The following PPFIA2 variants were observed in gnomAD, a reference collection of about 807,000 sequenced individuals.
The protein encoded by PPFIA2 is PPFI scaffold protein A2.
PPFIA2 carries 46 observed loss-of-function variants against 175.5 expected under a neutral mutation model. That is an observed-to-expected ratio of 0.26 (90% confidence interval 0.21 to 0.34). The LOEUF is 0.34. PPFIA2 is among the 10% of genes least tolerant of loss of function. PPFIA2 has a pLI of 1.00. For missense variants in PPFIA2, 1,179 were observed against 1,506.1 expected (o/e 0.78, Z 3.60); for synonymous variants, 568 against 511.4 (o/e 1.11, Z -1.49).
At chr12:81,377,468 G>A (rs983827960) in intron 9 of PPFIA2, among the ~76,000 whole-genome samples, 3 of 151,534 alleles carry the variant, frequency 2.0e-5, no homozygotes, top group South Asian at 2.1e-4. Flanking sequence ...CCTGAGAATC[G>A]CTTGAACCTG....
intron 4 of PPFIA2, among the ~76,000 whole-genome samples, chr12:81,651,385 A>T (rs1596014111): frequency 6.6e-6 from 1 of 152,220 alleles, no homozygotes; most frequent in African/African-American, 2.4e-5. Context: ...TGCAGGCAGA[A>T]ACATTAACAA....
intron 8 of PPFIA2, among the ~76,000 whole-genome samples, chr12:81,404,719 T>C (rs2042632146): frequency 6.6e-6 from 1 of 152,202 alleles, no homozygotes; most frequent in Non-Finnish European, 1.5e-5. Flanking sequence ...CGGAAATTCA[T>C]CTGATTTACT....
chr12:81,332,802 TCTTA>T (rs957140692), intron 21 of PPFIA2, among the ~76,000 whole-genome samples: 1 of 152,156 alleles, frequency 6.6e-6, no homozygotes, highest in Non-Finnish European at 1.5e-5. Context: ...CTATCAACTC[TCTTA>T]CTAAGTAGCT....
At chr12:81,377,194 C>A (rs1046067351) in intron 9 of PPFIA2, among the ~76,000 whole-genome samples, 1 of 151,878 alleles carries the variant, frequency 6.6e-6, no homozygotes, top group Non-Finnish European at 1.5e-5. Context: ...CATATTTATA[C>A]GTGCCATTAT....
chr12:81,750,586 C>T (rs1390673609), intron 3 of PPFIA2, among the ~76,000 whole-genome samples: 1 of 152,044 alleles, frequency 6.6e-6, no homozygotes, highest in East Asian at 1.9e-4. Flanking sequence ...TAATTGAGGG[C>T]ATAGCTAAGA....
At chr12:81,389,125 TTATATA>T (rs61254401) in intron 8 of PPFIA2, among the ~76,000 whole-genome samples, 2 of 144,942 alleles carry the variant, frequency 1.4e-5, no homozygotes, top group Non-Finnish European at 3.0e-5. Flanking sequence ...ATTCAATATT[TTATATA>T]TATATATATA....
chr12:81,506,265 T>C (rs2061158895), intron 4 of PPFIA2, among the ~76,000 whole-genome samples: 1 of 152,212 alleles, frequency 6.6e-6, no homozygotes, highest in Non-Finnish European at 1.5e-5. Context: ...ACTTCTTTTC[T>C]TTCTTGTCTG....
chr12:81,607,983 G>T (rs1305836980), intron 4 of PPFIA2, among the ~76,000 whole-genome samples: 1 of 151,916 alleles, frequency 6.6e-6, no homozygotes, highest in Non-Finnish European at 1.5e-5. Flanking sequence ...TGCCTAGTCT[G>T]TTGGGGGTTT....
chr12:81,600,396 T>C (rs1448128985), intron 4 of PPFIA2, among the ~76,000 whole-genome samples: 2 of 151,948 alleles, frequency 1.3e-5, no homozygotes, highest in African/African-American at 4.8e-5. Context: ...ATCCTTTTGT[T>C]TTTAGAGCAC....
At chr12:81,347,143 G>A (rs572595340) in intron 18 of PPFIA2, among the ~76,000 whole-genome samples, 20 of 151,184 alleles carry the variant, frequency 1.3e-4, no homozygotes, top group South Asian at 6.3e-4. Context: ...TTTGAGATGC[G>A]GTCTTGCTAT....
At chr12:81,722,611 C>A (rs2079505904) in intron 3 of PPFIA2, among the ~76,000 whole-genome samples, 1 of 151,012 alleles carries the variant, frequency 6.6e-6, no homozygotes, top group Admixed American at 6.6e-5. Context: ...TATTAAGCTT[C>A]AATTTCCCAC....
intron 4 of PPFIA2, among the ~76,000 whole-genome samples, chr12:81,640,121 T>TA (rs1372325599): frequency 6.6e-6 from 1 of 152,184 alleles, no homozygotes; most frequent in African/African-American, 2.4e-5. Flanking sequence ...CATGTGTGTA[T>TA]ATGTATCTAA....
At chr12:81,586,752 A>G (rs1315832482) in intron 4 of PPFIA2, among the ~76,000 whole-genome samples, 2 of 151,872 alleles carry the variant, frequency 1.3e-5, no homozygotes, top group Non-Finnish European at 2.9e-5. Flanking sequence ...AAGTCAATAT[A>G]TTTTACTGAG....
At chr12:81,758,916 G>A (rs1397538648) in intron 1 of PPFIA2, among the ~76,000 whole-genome samples, 1 of 152,000 alleles carries the variant, frequency 6.6e-6, no homozygotes, top group Non-Finnish European at 1.5e-5. Flanking sequence ...AGAAAGCTTG[G>A]AGAAAAGGCG....
At chr12:81,659,422 C>T (rs374313494) in intron 4 of PPFIA2, among the ~76,000 whole-genome samples, 8 of 152,178 alleles carry the variant, frequency 5.3e-5, no homozygotes, top group African/African-American at 1.2e-4. Flanking sequence ...TCACCTGGCT[C>T]GAAGGGTTCT....
At chr12:81,704,132 C>A (rs1291108010) in intron 3 of PPFIA2, among the ~76,000 whole-genome samples, 1 of 152,022 alleles carries the variant, frequency 6.6e-6, no homozygotes, top group Non-Finnish European at 1.5e-5. Context: ...TTGCAGCACT[C>A]AATATGTGAA....
chr12:81,554,401 A>G (rs1389358539), intron 4 of PPFIA2, among the ~76,000 whole-genome samples: 1 of 152,014 alleles, frequency 6.6e-6, no homozygotes, highest in African/African-American at 2.4e-5. Flanking sequence ...TGGAACTGGG[A>G]ACCGAAATGT....
chr12:81,415,012 T>C (rs981587824), intron 7 of PPFIA2, among the ~76,000 whole-genome samples: 1 of 149,700 alleles, frequency 6.7e-6, no homozygotes, highest in East Asian at 2.0e-4. Flanking sequence ...CTTCATGTAG[T>C]CTGTGCAGTT....
chr12:81,573,886 C>A (rs532975915), intron 4 of PPFIA2, among the ~76,000 whole-genome samples: 107 of 151,980 alleles, frequency 7.0e-4, no homozygotes, highest in African/African-American at 2.4e-3. Flanking sequence ...AACCTAAAAA[C>A]AGCCTAATAT....
Sources: allele counts gnomAD v4.1 joint callset (sites outside exome capture counted in the v4.1 genomes callset), GRCh38; gene constraint gnomAD v4.1.1; transcripts MANE v1.5; gene names NCBI Gene and HGNC (gene_info 2026-07-23, HGNC 2026-07-21).